FGL1: variants seen among roughly 807,000 people sequenced by gnomAD.
FGL1 encodes the protein fibrinogen-like protein 1.
A neutral mutation model predicts 43.7 loss-of-function variants in FGL1; 59 were observed. That is an observed-to-expected ratio of 1.35 (90% CI 1.10 to 1.68). The LOEUF (loss-of-function observed/expected upper bound fraction) is 1.68. Among genes scored for constraint, FGL1 ranks in the 40% most tolerant of loss-of-function variants. The pLI is 0.00. For synonymous variants in FGL1, 192 were observed against 126.5 expected, an observed-to-expected ratio of 1.52 and a Z score of -3.48; for missense variants, 596 against 373.0, an observed-to-expected ratio of 1.60 and a Z score of -4.92.
intron 7 of FGL1, among the ~76,000 whole-genome samples, chr8:17,866,672 C>A (rs372037342): frequency 5.9e-5 from 9 of 152,150 alleles, no homozygotes; most frequent in African/African-American, 2.2e-4. Context: ...TCAGGTAAAT[C>A]GTTCCTTTGC....
At chr8:17,870,110 A>C (rs1369079091) in intron 5 of FGL1, among the ~76,000 whole-genome samples, 1 of 152,140 alleles carries the variant, frequency 6.6e-6, no homozygotes, top group East Asian at 1.9e-4. Context: ...ACTCCGTCGC[A>C]AAAAACAACA....
chr8:17,864,757 G>T lies in FGL1; in HGVS notation c.780-6C>A. The T allele has an allele frequency of 6.9e-7, 1 of 1,443,456 alleles. No individual in the cohort carries two copies. Among genetic ancestry groups the T allele is most frequent in the Non-Finnish European group, 9.2e-7 (1 of 1,092,562 alleles). The allele number at this position is 1,443,456 out of a possible 1,614,324, so 89.4% of individuals were successfully genotyped here. On this transcript the variant is annotated splice_polypyrimidine_tract_variant and splice_region_variant and intron_variant, in intron 7 of 7. Transcript: ENST00000427924. ...TCAGGTTTGCAGAGTGACACCTAGTGGAAGGGAGAAAAAAAAAGAAAACAA... is the reference window on the plus strand; with the variant it reads ...TCAGGTTTGCAGAGTGACACCTAGTTGAAGGGAGAAAAAAAAAGAAAACAA...
intron 1 of FGL1, 155 bp from the exon 2 acceptor site, chr8:17,885,726 C>G: frequency 1.6e-6 from 1 of 606,774 alleles, no homozygotes. Context: ...TTCCCAGCCT[C>G]TCACCACACA....
chr8:17,874,242 C>G lies in FGL1; in HGVS notation c.404+120G>C. 2.2e-6 allele frequency: 3 copies of G among 1,376,040 alleles called. No individual in the cohort carries two copies. The East Asian group carries it at 6.9e-5, about 32-fold the overall frequency. The allele number at this position is 1,376,040 out of a possible 1,614,324, so 85.2% of individuals were successfully genotyped here. A position where few individuals can be genotyped will look rare whatever the true frequency, so the allele number is the denominator to read the frequency against. On this transcript the variant is annotated intron_variant, in intron 4 of 7. Transcript: ENST00000427924. ...GATTAGTTAATTCATTTTCAGTATT[C>G]TTCTTTAGAGAGATTGAAATTCTGT... is the stretch of plus-strand genomic sequence containing the variant.
intron 7 of FGL1, among the ~76,000 whole-genome samples, chr8:17,866,969 T>G (rs2053278380): frequency 6.6e-6 from 1 of 152,208 alleles, no homozygotes; most frequent in Non-Finnish European, 1.5e-5. Flanking sequence ...CATCATCACC[T>G]TCAATTTGCA....
At chr8:17,874,264 C>G in intron 4 of FGL1, 98 bp downstream of exon 4, 1 of 1,408,778 alleles carries the variant, frequency 7.1e-7, no homozygotes. Context: ...GATTGAAATT[C>G]TGTCTAATTA....
At position 17,883,690 on chromosome 8, in the gene FGL1, T is replaced by TA. The variant is rs549029610; in HGVS notation, c.64-1512_64-1511insT. Among the ~76,000 whole-genome samples the TA allele has an allele frequency of 2.0e-3, 288 of 143,734 alleles. 1 individual carries two copies. The highest frequency in any genetic ancestry group is 7.3e-3 in the African/African-American group (277 of 38,028). The allele number at this position is 143,734 out of a possible 152,430, so 94.3% of individuals were successfully genotyped here. A position where few individuals can be genotyped will look rare whatever the true frequency, so the allele number is the denominator to read the frequency against. On this transcript the variant is annotated intron_variant, in intron 2 of 7. Coordinates refer to ENST00000427924, the MANE Select transcript of FGL1 (RefSeq NM_004467.4). ...TATATAGTCTATAATATATATATAT[T>TA]TTTTATATATATATATATGTAGTAC... is the stretch of plus-strand genomic sequence containing the variant.
chr8:17,888,029 A>T (rs888012135), intron 1 of FGL1, among the ~76,000 whole-genome samples: 24 of 152,116 alleles, frequency 1.6e-4, no homozygotes, highest in Non-Finnish European at 1.5e-5. Context: ...TAGAAATAGT[A>T]GTCTTAGGCC....
At chr8:17,872,203 G>C (rs2053374093) in intron 5 of FGL1, among the ~76,000 whole-genome samples, 1 of 151,928 alleles carries the variant, frequency 6.6e-6, no homozygotes, top group African/African-American at 2.4e-5. Context: ...GTGTCTCAAA[G>C]AACTTTATAA....
At chr8:17,877,143 G>A (rs182464266) in intron 3 of FGL1, among the ~76,000 whole-genome samples, 6 of 152,078 alleles carry the variant, frequency 3.9e-5, no homozygotes, top group Admixed American at 2.0e-4. Context: ...TATTTAAAAC[G>A]ATGATTTTCA....
intron 3 of FGL1, among the ~76,000 whole-genome samples, chr8:17,880,228 G>C (rs572838815): frequency 8.5e-5 from 13 of 152,144 alleles, no homozygotes; most frequent in Non-Finnish European, 1.5e-4. Flanking sequence ...CAAGATGCTG[G>C]CCATAAGAGA....
At chr8:17,872,456 C>T (rs34464914) in intron 5 of FGL1, among the ~76,000 whole-genome samples, 1,867 of 152,200 alleles carry the variant, frequency 0.012, 37 homozygotes, top group African/African-American at 0.043. Flanking sequence ...TGCTGTGCCA[C>T]CATGCCTGGC....
intron 1 of FGL1, 43 bp from the exon 2 acceptor site, chr8:17,885,614 T>C: frequency 1.9e-6 from 3 of 1,557,552 alleles, no homozygotes; most frequent in South Asian, 2.3e-5. Flanking sequence ...CAACCTTGAA[T>C]TTTTCATGAG....
At chr8:17,891,456 A>C (rs887796786) in intron 1 of FGL1, 2 of 152,774 alleles carry the variant, frequency 1.3e-5, no homozygotes, top group Admixed American at 6.5e-5. Flanking sequence ...CTCTGTGTCT[A>C]ATTTCCCTCT....
intron 3 of FGL1, among the ~76,000 whole-genome samples, chr8:17,874,963 T>TA (rs540181403): frequency 1.3e-4 from 20 of 151,784 alleles, no homozygotes; most frequent in South Asian, 6.2e-4. Flanking sequence ...AAAACAATCT[T>TA]AAAAAAAACA....
intron 3 of FGL1, 112 bp downstream of exon 3, chr8:17,881,887 G>T: frequency 1.2e-6 from 1 of 834,402 alleles, no homozygotes; most frequent in African/African-American, 1.7e-5. Context: ...TAGATATAAT[G>T]CTTCATATTG....
chr8:17,894,599 GA>G (rs1204832004), intron 1 of FGL1, among the ~76,000 whole-genome samples: 2 of 146,400 alleles, frequency 1.4e-5, no homozygotes, highest in Non-Finnish European at 3.0e-5. Flanking sequence ...TTTTTATACT[GA>G]AACTGTAAAC....
intron 3 of FGL1, among the ~76,000 whole-genome samples, chr8:17,877,033 T>C (rs1488843307): frequency 6.6e-6 from 1 of 152,206 alleles, no homozygotes. Flanking sequence ...TAGTTCAATT[T>C]GCTTATAGCT....
chr8:17,891,783 T>TTG (rs1361407450), intron 1 of FGL1: 13 of 983,786 alleles, frequency 1.3e-5, no homozygotes, highest in Non-Finnish European at 1.6e-5. Context: ...TAAGATGTCT[T>TTG]TATCAGATTC....
Sources: allele counts gnomAD v4.1 joint callset (sites outside exome capture counted in the v4.1 genomes callset), GRCh38; gene constraint gnomAD v4.1.1; transcripts MANE v1.5; gene names NCBI Gene and HGNC (gene_info 2026-07-23, HGNC 2026-07-21).